IPO9: variants seen among roughly 807,000 people sequenced by gnomAD.
IPO9 encodes importin 9.
IPO9 carries 28 observed loss-of-function variants against 128.6 expected under a neutral mutation model. That is an observed-to-expected ratio of 0.22 (90% CI 0.16 to 0.30). The LOEUF (loss-of-function observed/expected upper bound fraction) is 0.30, where lower values mean the gene tolerates loss of function less well. Among genes scored for constraint, IPO9 ranks in the 10% least tolerant of loss-of-function variants. The probability of loss-of-function intolerance (pLI) is 1.00; values close to 1 mark genes in which losing one functional copy is unlikely to be tolerated. For missense variants in IPO9, 935 were observed against 1,293.9 expected (o/e 0.72, Z 4.26); for synonymous variants, 455 against 475.8 (o/e 0.96, Z 0.57).
chr1:201,863,139 T>G (rs1420693944), intron 13 of IPO9, among the ~76,000 whole-genome samples: 1 of 152,024 alleles, frequency 6.6e-6, no homozygotes, highest in Non-Finnish European at 1.5e-5. Context: ...TCACTTGAGG[T>G]CCAGAGTTTG....
chr1:201,829,808 C>G (rs1455981482), intron 1 of IPO9, among the ~76,000 whole-genome samples: 2 of 152,012 alleles, frequency 1.3e-5, no homozygotes, highest in Non-Finnish European at 2.9e-5. Flanking sequence ...AGGGTAGGGC[C>G]TCGAAAAGGC....
intron 16 of IPO9, among the ~76,000 whole-genome samples, 174 bp downstream of exon 16, chr1:201,868,970 T>C (rs1008518874): frequency 6.6e-6 from 1 of 152,172 alleles, no homozygotes; most frequent in Non-Finnish European, 1.5e-5. Context: ...GAAAATGGCT[T>C]GGCTTGGCGC....
At chr1:201,872,676 TCA>T (rs1340824432) in intron 19 of IPO9, 150 bp from the exon 20 acceptor site, 2 of 802,444 alleles carry the variant, frequency 2.5e-6, no homozygotes, top group East Asian at 5.5e-5. Flanking sequence ...CTCTAAAATC[TCA>T]TTTTCAGCTG....
Position 201,874,902 on chromosome 1 carries a change from A to T in IPO9, c.2904A>T (p.Gln968His). The T allele has an allele frequency of 6.2e-7, 1 of 1,613,510 alleles. No individual in the cohort carries two copies. The highest frequency in any genetic ancestry group is 8.5e-7 in the Non-Finnish European group (1 of 1,179,422). ...AGGAGGAGGATGGTTTAGCTGGCCA[A>T]CTTTTATCTGACATTCTTGCTACAA... ...EEEEEDGLAG[Q>H]LLSDILATSK... Residue 968 changes from glutamine to histidine, a missense_variant, in exon 22 of 24, where the codon CAA becomes CAT. Physicochemically the swap from Gln to His is conservative, Grantham distance 24. This residue lies in a region of IPO9 where 188 missense variants were observed against 246.7 expected (regional missense o/e 0.76). Coordinates refer to ENST00000361565, the MANE Select transcript of IPO9 (RefSeq NM_018085.5).
At chr1:201,847,744 A>G in intron 3 of IPO9, 106 bp downstream of exon 3, 2 of 793,834 alleles carry the variant, frequency 2.5e-6, no homozygotes, top group South Asian at 3.1e-5. Context: ...AAGACTAGGC[A>G]GAAAAGGAGA....
intron 10 of IPO9, among the ~76,000 whole-genome samples, chr1:201,856,148 T>TC (rs58473985): frequency 4.7e-5 from 7 of 148,758 alleles, no homozygotes; most frequent in Non-Finnish European, 1.0e-4. Flanking sequence ...TTTTTTTTTT[T>TC]CCCAGCAAAG....
At chr1:201,845,311 C>T (rs780945898) in intron 1 of IPO9, among the ~76,000 whole-genome samples, 25 of 152,164 alleles carry the variant, frequency 1.6e-4, no homozygotes, top group Non-Finnish European at 3.1e-4. Context: ...CCACCTTTCC[C>T]GGCCCTGATA....
At chr1:201,836,439 G>C (rs181424647) in intron 1 of IPO9, among the ~76,000 whole-genome samples, 1 of 152,258 alleles carries the variant, frequency 6.6e-6, no homozygotes, top group Non-Finnish European at 1.5e-5. Context: ...AGGCTGGAGT[G>C]CAGTGGTGTG....
At position 201,876,459 on chromosome 1, in the gene IPO9, C is replaced by T; in HGVS notation, c.*405C>T. On this transcript the variant is annotated 3_prime_UTR_variant, in exon 24 of 24. Transcript: ENST00000361565. Reference sequence around the variant, plus strand: ...ATTCTAAAACAGACCTATCTATGTTCATAGGACTTCTGATGTGTTCAGATA... The same window carrying T: ...ATTCTAAAACAGACCTATCTATGTTTATAGGACTTCTGATGTGTTCAGATA... 2.9e-6 allele frequency: 1 copy of T among 347,236 alleles called. No individual in the cohort carries two copies. The highest frequency in any genetic ancestry group is 5.7e-6 in the Non-Finnish European group (1 of 175,406). 21.5% of individuals were successfully genotyped at this position (347,236 alleles called of 1,614,324 possible). A position where few individuals can be genotyped will look rare whatever the true frequency, so the allele number is the denominator to read the frequency against.
chr1:201,833,259 G>T (rs563373736), intron 1 of IPO9, among the ~76,000 whole-genome samples: 63 of 149,568 alleles, frequency 4.2e-4, no homozygotes, highest in African/African-American at 1.5e-3. Context: ...TATTTTTTGA[G>T]ACAGAGTCTC....
rs1422219054 is a variant in IPO9 at position 201,876,064 on chromosome 1, C to G, written c.*10C>G. 3.2e-6 allele frequency: 5 copies of G among 1,563,160 alleles called. No homozygotes were observed. Among genetic ancestry groups the G allele is most frequent in the African/African-American group, 2.7e-5 (2 of 73,898 alleles). ...GACCATCGGCATCTAAAAAGGGGAGCCTTTCTACATTTGCTCCTTCTGGGC... is the reference window on the plus strand; with the variant it reads ...GACCATCGGCATCTAAAAAGGGGAGGCTTTCTACATTTGCTCCTTCTGGGC... On this transcript the variant is annotated 3_prime_UTR_variant, in exon 24 of 24. Coordinates refer to ENST00000361565, the MANE Select transcript of IPO9 (RefSeq NM_018085.5).
Position 201,869,689 on chromosome 1 carries a change from C to G in IPO9, c.2104C>G (p.Leu702Val). 6.2e-7 allele frequency: 1 copy of G among 1,614,202 alleles called. No homozygotes were observed. Among genetic ancestry groups the G allele is most frequent in the Non-Finnish European group, 8.5e-7 (1 of 1,180,022 alleles). Residue 702 changes from leucine (L) to valine (V), a missense_variant, in exon 17 of 24, where the codon CTT becomes GTT. Coordinates refer to ENST00000361565, the MANE Select transcript of IPO9 (RefSeq NM_018085.5). ...TTTCCCTGCTGTGGCACAGTGTACC[C>G]TTCACACAGATGACAATGCCACCAT... is the stretch of plus-strand genomic sequence containing the variant. ...QAFPAVAQCT[L>V]HTDDNATMQN...
chr1:201,870,459 A>G lies in IPO9; in HGVS notation c.2134-124A>G, dbSNP rs1680626971. ...ACTCCAGTGGTATGAGCCCACCACA[A>G]ACATTATAGACTCACCGCTTTTATG... On this transcript the variant is annotated intron_variant, in intron 17 of 23. Transcript: ENST00000361565. This position sits in a 1 kb window ranked among gnomAD's most constrained non-coding sequence, Gnocchi z 4.9. 4 of 1,084,938 alleles carry G rather than the reference A, an allele frequency of 3.7e-6. No homozygotes were observed. The highest frequency in any genetic ancestry group is 3.2e-5 in the African/African-American group (2 of 63,026). 67.2% of individuals were successfully genotyped at this position (1,084,938 alleles called of 1,614,324 possible).
chr1:201,847,067 G>A (rs1477539929), intron 1 of IPO9, among the ~76,000 whole-genome samples: 3 of 152,236 alleles, frequency 2.0e-5, no homozygotes, highest in Non-Finnish European at 4.4e-5. Flanking sequence ...TGGAAAAAGT[G>A]TAAGGGTGTT....
At chr1:201,845,533 G>A (rs950910423) in intron 1 of IPO9, among the ~76,000 whole-genome samples, 6 of 152,120 alleles carry the variant, frequency 3.9e-5, no homozygotes, top group African/African-American at 1.4e-4. Flanking sequence ...TCATTCTTTA[G>A]CATAGTGCTG....
chr1:201,840,642 C>A (rs1281607378), intron 1 of IPO9, among the ~76,000 whole-genome samples: 1 of 151,988 alleles, frequency 6.6e-6, no homozygotes, highest in Non-Finnish European at 1.5e-5. Context: ...ACTAACTGTC[C>A]ATACAGAGGA....
chr1:201,832,791 C>T (rs145758385), intron 1 of IPO9, among the ~76,000 whole-genome samples: 130 of 152,298 alleles, frequency 8.5e-4, no homozygotes, highest in African/African-American at 2.8e-3. Context: ...TTAACTGGTC[C>T]GTTCCCTTTG....
chr1:201,852,253 C>G (rs1362272528), intron 5 of IPO9, 61 bp downstream of exon 5: 2 of 1,052,802 alleles, frequency 1.9e-6, no homozygotes, highest in Non-Finnish European at 2.9e-6. Flanking sequence ...CCCAGCCTTT[C>G]AGGTGGGAGA....
At chr1:201,874,974 C>A (rs1558226198) in intron 22 of IPO9, 38 bp downstream of exon 22, 2 of 1,478,480 alleles carry the variant, frequency 1.4e-6, no homozygotes, top group Non-Finnish European at 1.9e-6. Flanking sequence ...TGGTAAATAC[C>A]TTTTCTTTGC....
Sources: gnomAD v4.1 joint callset for allele counts (sites outside exome capture counted in the v4.1 genomes callset) on GRCh38, gnomAD v4.1.1 for gene constraint, gnomAD v4.1.1 regional missense constraint, Gnocchi (gnomAD v3.1) non-coding constraint, MANE v1.5 for transcripts, NCBI Gene and HGNC (gene_info 2026-07-23, HGNC 2026-07-21) for gene names.